The following SLC10A7 variants were observed in gnomAD, a reference collection of about 807,000 sequenced individuals.
SLC10A7 encodes solute carrier family 10 member 7, also known as sodium/bile acid cotransporter 7.
A neutral mutation model predicts 43.2 loss-of-function variants in SLC10A7; 29 were observed. That is an observed-to-expected ratio of 0.67 (90% CI 0.50 to 0.92). The LOEUF (loss-of-function observed/expected upper bound fraction) is 0.92. SLC10A7 is among the 40% of genes least tolerant of loss of function. The pLI, the probability that SLC10A7 is intolerant of heterozygous loss-of-function variation, is 0.00. For synonymous variants in SLC10A7, 152 were observed against 144.8 expected, an observed-to-expected ratio of 1.05 and a Z score of -0.35; for missense variants, 295 against 403.2, an observed-to-expected ratio of 0.73 and a Z score of 2.30.
intron 4 of SLC10A7, among the ~76,000 whole-genome samples, chr4:146,502,856 G>A (rs1201781870): frequency 6.6e-6 from 1 of 152,160 alleles, no homozygotes; most frequent in East Asian, 1.9e-4. Flanking sequence ...TGGTTGCCTG[G>A]GGAAGAGGGG....
chr4:146,493,472 C>A (rs1401604109), intron 4 of SLC10A7, among the ~76,000 whole-genome samples: 1 of 146,812 alleles, frequency 6.8e-6, no homozygotes, highest in African/African-American at 2.5e-5. Flanking sequence ...GGCAACAGTG[C>A]GAGACTCTGT....
In SLC10A7 at chr4:146,521,689, T is replaced by C. The variant is rs754336701; in HGVS notation, c.29A>G (p.Asp10Gly). MRLLERMRK[D>G]WFMVGIVLAI... ...CAGCACTATTCCGACCATGAACCAG[T>C]CTTTCCTCATTCTCTCCAGCAGCCT... The change falls in exon 1 of 12, where the codon GAC (aspartate) becomes GGC (glycine). Residue 10 changes from aspartate (D) to glycine (G), a missense_variant. Asp to Gly is a moderately conservative substitution (Grantham distance 94, BLOSUM62 -1). Around this residue, in one of 2 missense-constraint regions of SLC10A7, gnomAD observed 53 missense variants for 40.7 expected, o/e 1.30. Coordinates refer to ENST00000335472, the MANE Select transcript of SLC10A7 (RefSeq NM_001029998.6). The C allele has an allele frequency of 1.2e-6, 2 of 1,614,144 alleles. No individual in the cohort carries two copies. The highest frequency in any genetic ancestry group is 1.7e-6 in the Non-Finnish European group (2 of 1,180,020).
intron 5 of SLC10A7, among the ~76,000 whole-genome samples, chr4:146,439,183 T>C (rs1730421846): frequency 6.6e-6 from 1 of 152,042 alleles, no homozygotes; most frequent in African/African-American, 2.4e-5. Flanking sequence ...CTATCATTAG[T>C]TATTACCAGC....
At chr4:146,360,406 A>G (rs1423655809) in intron 5 of SLC10A7, among the ~76,000 whole-genome samples, 1 of 151,974 alleles carries the variant, frequency 6.6e-6, no homozygotes, top group Non-Finnish European at 1.5e-5. Flanking sequence ...ATACCCTGAG[A>G]AGAAGGCACT....
At chr4:146,381,801 G>C (rs1223826468) in intron 5 of SLC10A7, among the ~76,000 whole-genome samples, 1 of 152,012 alleles carries the variant, frequency 6.6e-6, no homozygotes, top group African/African-American at 2.4e-5. Flanking sequence ...TAGCCCCTGA[G>C]ACAGCCAGCC....
At chr4:146,475,772 CA>C (rs1733971186) in intron 4 of SLC10A7, among the ~76,000 whole-genome samples, 1 of 152,176 alleles carries the variant, frequency 6.6e-6, no homozygotes, top group Non-Finnish European at 1.5e-5. Flanking sequence ...TTCAATCCAT[CA>C]CGAACTAAAA....
intron 10 of SLC10A7, among the ~76,000 whole-genome samples, chr4:146,268,878 G>T (rs1342408261): frequency 1.3e-5 from 2 of 152,086 alleles, no homozygotes; most frequent in African/African-American, 4.8e-5. Context: ...GGGGTGCAAG[G>T]GGTGCTTTTT....
chr4:146,417,169 A>G (rs1407076103), intron 5 of SLC10A7, among the ~76,000 whole-genome samples: 1 of 152,252 alleles, frequency 6.6e-6, no homozygotes, highest in African/African-American at 2.4e-5. Context: ...GTAGGGGCTC[A>G]GCAAAGTTAT....
intron 5 of SLC10A7, among the ~76,000 whole-genome samples, chr4:146,354,006 C>A (rs1360810987): frequency 6.8e-6 from 1 of 147,694 alleles, no homozygotes; most frequent in Non-Finnish European, 1.5e-5. Context: ...TTCACCACTC[C>A]TATTCAACAT....
intron 5 of SLC10A7, among the ~76,000 whole-genome samples, chr4:146,336,441 T>C (rs577813856): frequency 6.6e-6 from 1 of 152,104 alleles, no homozygotes; most frequent in African/African-American, 2.4e-5. Flanking sequence ...TAGACTGATA[T>C]CAAAATTACT....
rs373948151 is a variant in SLC10A7 at position 146,293,978 on chromosome 4, G to A, written c.673C>T (p.Pro225Ser). Residue 225 changes from proline to serine, a missense_variant, in exon 8 of 12, where the codon CCA becomes TCA. By Grantham distance (74) the Pro-to-Ser change is moderately conservative (BLOSUM62 -1). Around this residue, in one of 2 missense-constraint regions of SLC10A7, gnomAD observed 242 missense variants for 362.5 expected, o/e 0.67. Transcript: ENST00000335472. ...YTTFCDTFSN[P>S]NIDLDKFSLV... ...CTGAATTTATCCAGGTCAATATTTG[G>A]GTTAGAGAACGTGTCACAGAATGTT... 2.9e-5 allele frequency: 47 copies of A among 1,613,352 alleles called. No individual in the cohort carries two copies. Among genetic ancestry groups the A allele is most frequent in the Middle Eastern group, 1.7e-4 (1 of 6,060 alleles).
chr4:146,465,747 C>G (rs768249971), intron 4 of SLC10A7, among the ~76,000 whole-genome samples: 23 of 152,124 alleles, frequency 1.5e-4, no homozygotes, highest in Non-Finnish European at 3.2e-4. Flanking sequence ...TGAAAGATCT[C>G]TGTGGCTGCT....
At chr4:146,370,786 C>CA (rs1292078835) in intron 5 of SLC10A7, among the ~76,000 whole-genome samples, 2 of 152,060 alleles carry the variant, frequency 1.3e-5, no homozygotes, top group African/African-American at 4.8e-5. Flanking sequence ...ATGTCTACTC[C>CA]AAAAAGAGAA....
chr4:146,341,974 TC>T (rs1474738500), intron 5 of SLC10A7, among the ~76,000 whole-genome samples: 1 of 151,660 alleles, frequency 6.6e-6, no homozygotes, highest in African/African-American at 2.4e-5. Flanking sequence ...AATTTCTAGC[TC>T]CCTCTCAACT....
At chr4:146,345,056 C>T (rs555174298) in intron 5 of SLC10A7, among the ~76,000 whole-genome samples, 1 of 152,106 alleles carries the variant, frequency 6.6e-6, no homozygotes, top group Non-Finnish European at 1.5e-5. Flanking sequence ...TGGTATGAAT[C>T]TGAAACTTCT....
rs1203384994 is a variant in SLC10A7, at chr4:146,326,942, A to AGT, written c.436-947_436-946insAC. Among the ~76,000 whole-genome samples, 50 of 95,426 alleles carry AGT rather than the reference A, an allele frequency of 5.2e-4. 1 individual carries two copies. The highest frequency in any genetic ancestry group is 5.1e-3 in the Admixed American group (43 of 8,440). The allele number at this position is 95,426 out of a possible 152,430, so 62.6% of individuals were successfully genotyped here. ...GACACACACACACACACACACACAC[A>AGT]CACACACACACACACACACACACAC... On this transcript the variant is annotated intron_variant, in intron 5 of 11. Coordinates refer to ENST00000335472, the MANE Select transcript of SLC10A7 (RefSeq NM_001029998.6).
At chr4:146,477,104 C>T (rs6834009) in intron 4 of SLC10A7, among the ~76,000 whole-genome samples, 4 of 152,192 alleles carry the variant, frequency 2.6e-5, no homozygotes, top group African/African-American at 4.8e-5. Flanking sequence ...TAAAAGAAGC[C>T]TTGACCACTA....
chr4:146,310,289 T>C (rs1195581057), intron 6 of SLC10A7, among the ~76,000 whole-genome samples: 2 of 152,122 alleles, frequency 1.3e-5, no homozygotes, highest in South Asian at 2.1e-4. Flanking sequence ...AACATGTGAG[T>C]GTATGTATCT....
At chr4:146,442,148 C>T (rs773319577) in intron 5 of SLC10A7, 195 of 968,860 alleles carry the variant, frequency 2.0e-4, no homozygotes, top group Middle Eastern at 1.1e-3. Context: ...GCCTCTGTTA[C>T]ATCATTTATT....
Sources: gnomAD v4.1 joint callset for allele counts (sites outside exome capture counted in the v4.1 genomes callset) on GRCh38, gnomAD v4.1.1 for gene constraint, gnomAD v4.1.1 regional missense constraint, MANE v1.5 for transcripts, NCBI Gene and HGNC (gene_info 2026-07-23, HGNC 2026-07-21) for gene names.